SPATS2L: variants seen among roughly 807,000 people sequenced by gnomAD.
SPATS2L encodes spermatogenesis associated serine rich 2 like, also known as SPATS2-like protein.
SPATS2L carries 30 observed loss-of-function variants against 59.6 expected under a neutral mutation model. That is an observed-to-expected ratio of 0.50 (90% CI 0.38 to 0.68). The LOEUF (loss-of-function observed/expected upper bound fraction) is 0.68. Among genes scored for constraint, SPATS2L ranks in the 30% least tolerant of loss-of-function variants. The pLI, the probability that SPATS2L is intolerant of heterozygous loss-of-function variation, is 0.00. For missense variants in SPATS2L, 615 were observed against 700.0 expected (o/e 0.88, Z 1.37); for synonymous variants, 252 against 263.5 (o/e 0.96, Z 0.42).
At chr2:200,393,094 C>A (rs1050958423) in intron 3 of SPATS2L, 17 of 412,314 alleles carry the variant, frequency 4.1e-5, no homozygotes, top group Non-Finnish European at 7.3e-5. Flanking sequence ...TATGTATTCC[C>A]CAATTTGAGA....
Position 200,481,001 on chromosome 2 carries a change from C to G in SPATS2L, c.*2970C>G, listed in dbSNP as rs745639656. On this transcript the variant is annotated 3_prime_UTR_variant, in exon 13 of 13. Coordinates refer to ENST00000409140, the MANE Select transcript of SPATS2L (RefSeq NM_001100423.2). ...ACATTGTGGCACTTAGATCTTCCAC[C>G]AAGACTTCATCCGTGAAATCCACAC... The G allele has an allele frequency of 6.6e-6, 1 of 152,198 alleles. No homozygotes were observed. Among genetic ancestry groups the G allele is most frequent in the Non-Finnish European group, 1.5e-5 (1 of 68,036 alleles). The allele number at this position is 152,198 out of a possible 1,614,324, so 9.4% of individuals were successfully genotyped here.
At chr2:200,412,891 A>G (rs992102088) in intron 4 of SPATS2L, among the ~76,000 whole-genome samples, 14 of 152,182 alleles carry the variant, frequency 9.2e-5, no homozygotes, top group African/African-American at 3.4e-4. Flanking sequence ...GTCTCTATAA[A>G]AAAATATATA....
At chr2:200,434,827 G>A (rs1400707734) in intron 6 of SPATS2L, among the ~76,000 whole-genome samples, 1 of 152,018 alleles carries the variant, frequency 6.6e-6, no homozygotes, top group African/African-American at 2.4e-5. Context: ...CATATTTTTT[G>A]TTGAAATAGG....
rs2079653975 is a variant in SPATS2L at position 200,324,108 on chromosome 2, A to G, written c.-72-5323A>G. Among the ~76,000 whole-genome samples the G allele has an allele frequency of 2.0e-5, 3 of 152,160 alleles. No homozygotes were observed. The South Asian group carries it at 6.2e-4, about 32-fold the overall frequency. Reference sequence around the variant, plus strand: ...ACTGACTCCCTTATCCTGGGCGGCTATGTTCTGACCTCCTTGGCTTTTATG... The same window carrying G: ...ACTGACTCCCTTATCCTGGGCGGCTGTGTTCTGACCTCCTTGGCTTTTATG... On this transcript the variant is annotated intron_variant, in intron 1 of 12. Coordinates refer to ENST00000409140, the MANE Select transcript of SPATS2L (RefSeq NM_001100423.2).
chr2:200,363,727 G>C (rs1486512180), intron 2 of SPATS2L, among the ~76,000 whole-genome samples: 4 of 152,192 alleles, frequency 2.6e-5, no homozygotes, highest in Non-Finnish European at 5.9e-5. Context: ...GTCTGTTGTA[G>C]AGATGACATA....
At position 200,436,245 on chromosome 2, in the gene SPATS2L, C is replaced by T. The variant is rs143061487; in HGVS notation, c.446-2877C>T. Among the ~76,000 whole-genome samples the T allele has an allele frequency of 5.1e-4, 78 of 152,278 alleles. 1 individual carries two copies. The highest frequency in any genetic ancestry group is 1.7e-3 in the African/African-American group (72 of 41,556). On this transcript the variant is annotated intron_variant, in intron 6 of 12. Transcript: ENST00000409140. ...GTGACTTTCTGTTATAGCTCTATAA[C>T]GCTCCACCAGTTTTCATCTGCAAGA...
intron 1 of SPATS2L, among the ~76,000 whole-genome samples, chr2:200,326,901 A>ATTTT (rs755351538): frequency 6.1e-5 from 6 of 99,080 alleles, no homozygotes; most frequent in African/African-American, 1.8e-4. Context: ...TGCCCGGCTA[A>ATTTT]TTTTTTTTTT....
At chr2:200,416,493 T>G in intron 5 of SPATS2L, 65 bp downstream of exon 5, 1 of 971,366 alleles carries the variant, frequency 1.0e-6, no homozygotes, top group Non-Finnish European at 1.5e-6. Flanking sequence ...TTGTTATCAT[T>G]TTAACAAGGC....
At chr2:200,356,792 G>T (rs2080931728) in intron 2 of SPATS2L, among the ~76,000 whole-genome samples, 1 of 152,170 alleles carries the variant, frequency 6.6e-6, no homozygotes, top group Non-Finnish European at 1.5e-5. Context: ...GGTTCTGGAG[G>T]CTAGGAAGTA....
chr2:200,468,112 G>A (rs971260451), intron 10 of SPATS2L, among the ~76,000 whole-genome samples: 3 of 151,728 alleles, frequency 2.0e-5, no homozygotes, highest in East Asian at 3.9e-4. Flanking sequence ...CACTTGGCTC[G>A]GATCCCTAAG....
intron 2 of SPATS2L, among the ~76,000 whole-genome samples, chr2:200,337,555 G>A (rs1025691108): frequency 1.3e-5 from 2 of 152,068 alleles, no homozygotes; most frequent in East Asian, 1.9e-4. Context: ...GGGGTACCTG[G>A]GCATTTTCTG....
chr2:200,332,915 C>A (rs1352015971), intron 2 of SPATS2L, among the ~76,000 whole-genome samples: 1 of 151,794 alleles, frequency 6.6e-6, no homozygotes, highest in Non-Finnish European at 1.5e-5. Context: ...TGCTAGAATA[C>A]TATACAGCAG....
intron 6 of SPATS2L, among the ~76,000 whole-genome samples, chr2:200,432,100 T>C (rs2106066962): frequency 6.6e-6 from 1 of 152,318 alleles, no homozygotes; most frequent in Middle Eastern, 3.4e-3. Flanking sequence ...TCATAACAAA[T>C]TCCCTTAAAT....
At chr2:200,477,034 C>T (rs2087580425) in intron 12 of SPATS2L, among the ~76,000 whole-genome samples, 1 of 152,206 alleles carries the variant, frequency 6.6e-6, no homozygotes, top group South Asian at 2.1e-4. Flanking sequence ...CTCCGACGTG[C>T]AGCTGCTTCT....
At chr2:200,414,973 GT>G in intron 4 of SPATS2L, among the ~76,000 whole-genome samples, 1 of 152,264 alleles carries the variant, frequency 6.6e-6, no homozygotes, top group Admixed American at 6.5e-5. Flanking sequence ...GCATTTTTAA[GT>G]TTTAGTTTTA....
chr2:200,309,168 A>G (rs192500712), intron 1 of SPATS2L: 1 of 717,062 alleles, frequency 1.4e-6, no homozygotes, highest in East Asian at 2.7e-5. Flanking sequence ...TGAGTTTCTC[A>G]GTCTGCGATC....
chr2:200,436,241 A>G (rs887465710), intron 6 of SPATS2L, among the ~76,000 whole-genome samples: 2 of 152,188 alleles, frequency 1.3e-5, no homozygotes, highest in Non-Finnish European at 2.9e-5. Context: ...TTATAGCTCT[A>G]TAACGCTCCA....
upstream of SPATS2L, chr2:200,306,381 G>A: frequency 2.0e-6 from 2 of 1,002,248 alleles, no homozygotes; most frequent in Non-Finnish European, 2.4e-6. Flanking sequence ...GGAGGTTTGG[G>A]GAAAGGCGAG....
At chr2:200,388,630 A>C (rs765907434) in intron 2 of SPATS2L, among the ~76,000 whole-genome samples, 4 of 150,016 alleles carry the variant, frequency 2.7e-5, no homozygotes, top group Non-Finnish European at 5.9e-5. Context: ...CCCACCCAGA[A>C]AAAGACTACA....
Sources: gnomAD v4.1 joint callset for allele counts (sites outside exome capture counted in the v4.1 genomes callset) on GRCh38, gnomAD v4.1.1 for gene constraint, MANE v1.5 for transcripts, NCBI Gene and HGNC (gene_info 2026-07-23, HGNC 2026-07-21) for gene names.